The following GABRB2 variants were observed in gnomAD, a reference collection of about 807,000 sequenced individuals.
GABRB2 encodes the protein gamma-aminobutyric acid receptor subunit beta-2.
In GABRB2, 16 loss-of-function variants were observed where a neutral mutation model predicts 54.7. The ratio of observed to expected loss-of-function variants is 0.29; its 90% CI spans 0.20 to 0.44. The LOEUF (loss-of-function observed/expected upper bound fraction) is 0.44. Among genes scored for constraint, GABRB2 ranks in the 20% least tolerant of loss-of-function variants. The probability of loss-of-function intolerance (pLI) is 1.00; values close to 1 mark genes in which losing one functional copy is unlikely to be tolerated. For synonymous variants in GABRB2, 244 were observed against 233.8 expected, an observed-to-expected ratio of 1.04 and a Z score of -0.40; for missense variants, 355 against 644.0, an observed-to-expected ratio of 0.55 and a Z score of 4.86.
At chr5:161,310,681 A>G (rs200929935) in intron 9 of GABRB2, among the ~76,000 whole-genome samples, 2,413 of 81,754 alleles carry the variant, frequency 0.03, 60 homozygotes, top group East Asian at 0.14. Context: ...ACGCGCGCAC[A>G]CACACACACA....
intron 5 of GABRB2, among the ~76,000 whole-genome samples, chr5:161,369,156 A>G (rs1417270098): frequency 1.3e-5 from 2 of 152,292 alleles, no homozygotes; most frequent in East Asian, 3.9e-4. Context: ...AACTTGCTTT[A>G]GAAATTCTGA....
chr5:161,520,322 T>C (rs529923308), intron 3 of GABRB2, among the ~76,000 whole-genome samples: 3 of 152,134 alleles, frequency 2.0e-5, no homozygotes, highest in East Asian at 3.9e-4. Flanking sequence ...AGTTCTTCCA[T>C]CATAAAATAG....
intron 5 of GABRB2, among the ~76,000 whole-genome samples, chr5:161,406,739 G>A (rs957867599): frequency 6.6e-6 from 1 of 152,026 alleles, no homozygotes; most frequent in African/African-American, 2.4e-5. Flanking sequence ...TGAGAGGCCA[G>A]CAACAATTGG....
At chr5:161,330,726 G>T (rs1438771556) in intron 8 of GABRB2, 157 bp downstream of exon 8, 7 of 1,037,232 alleles carry the variant, frequency 6.7e-6, no homozygotes, top group Admixed American at 2.3e-5. Flanking sequence ...GTCCCTAATT[G>T]TGCTTCCATC....
intron 5 of GABRB2, among the ~76,000 whole-genome samples, chr5:161,397,601 C>G (rs189258034): frequency 6.6e-6 from 1 of 152,178 alleles, no homozygotes; most frequent in Admixed American, 6.5e-5. Flanking sequence ...AAGTGAGGAG[C>G]AGTAATTTAA....
intron 9 of GABRB2, among the ~76,000 whole-genome samples, chr5:161,309,821 C>G (rs549399554): frequency 2.5e-4 from 38 of 152,004 alleles, no homozygotes; most frequent in Non-Finnish European, 4.3e-4. Flanking sequence ...TTAGTAGAGA[C>G]GGGGTTTCAC....
intron 3 of GABRB2, among the ~76,000 whole-genome samples, chr5:161,485,389 A>G (rs1258461684): frequency 1.3e-5 from 2 of 151,982 alleles, no homozygotes; most frequent in Non-Finnish European, 2.9e-5. Flanking sequence ...ACAAGCAGTT[A>G]ATAAGGTTGG....
At chr5:161,495,826 C>A (rs528138408) in intron 3 of GABRB2, among the ~76,000 whole-genome samples, 19 of 152,170 alleles carry the variant, frequency 1.2e-4, no homozygotes, top group African/African-American at 4.3e-4. Context: ...AGTTCCCTAT[C>A]CTTATATCTT....
intron 3 of GABRB2, among the ~76,000 whole-genome samples, chr5:161,523,706 C>T (rs550699642): frequency 6.6e-6 from 1 of 151,642 alleles, no homozygotes; most frequent in South Asian, 2.1e-4. Context: ...TGTCAAGTTG[C>T]ATCTGGTGAC....
chr5:161,303,308 G>A (rs1757590194), intron 9 of GABRB2, among the ~76,000 whole-genome samples: 4 of 152,210 alleles, frequency 2.6e-5, no homozygotes, highest in Admixed American at 2.6e-4. Context: ...TCTAAGATAT[G>A]ATGCTATCTA....
intron 4 of GABRB2, among the ~76,000 whole-genome samples, chr5:161,416,644 C>CCGAGAT (rs1561642723): frequency 7.3e-6 from 1 of 137,674 alleles, no homozygotes; most frequent in Non-Finnish European, 1.5e-5. Context: ...TTGCGGTGAG[C>CCGAGAT]CGAGATCGCG....
intron 3 of GABRB2, among the ~76,000 whole-genome samples, chr5:161,463,564 T>TAGATAG (rs1561659524): frequency 1.1e-5 from 1 of 87,508 alleles, no homozygotes; most frequent in Non-Finnish European, 2.7e-5. Context: ...TTTATATATA[T>TAGATAG]ATATATATAT....
At chr5:161,455,822 C>A (rs1757939173) in intron 4 of GABRB2, among the ~76,000 whole-genome samples, 2 of 152,016 alleles carry the variant, frequency 1.3e-5, no homozygotes, top group Non-Finnish European at 2.9e-5. Flanking sequence ...CATGCCCAGA[C>A]CCAAATTTTA....
At chr5:161,504,370 A>G (rs1056633839) in intron 3 of GABRB2, among the ~76,000 whole-genome samples, 2 of 152,308 alleles carry the variant, frequency 1.3e-5, no homozygotes, top group Admixed American at 1.3e-4. Context: ...ACAACAACAG[A>G]ATCACATTAG....
chr5:161,476,057 A>C (rs1709188328), intron 3 of GABRB2, among the ~76,000 whole-genome samples: 1 of 151,982 alleles, frequency 6.6e-6, no homozygotes, highest in South Asian at 2.1e-4. Context: ...TATTCCACAA[A>C]AAACTGTTAG....
intron 5 of GABRB2, among the ~76,000 whole-genome samples, chr5:161,342,620 AC>A (rs1041804627): frequency 3.3e-5 from 5 of 152,182 alleles, no homozygotes; most frequent in African/African-American, 1.2e-4. Flanking sequence ...ATATAAAAAT[AC>A]CCTCCCTGGT....
At chr5:161,490,065 T>C (rs1759054573) in intron 3 of GABRB2, among the ~76,000 whole-genome samples, 1 of 151,712 alleles carries the variant, frequency 6.6e-6, no homozygotes, top group Non-Finnish European at 1.5e-5. Context: ...AAATCTGCCC[T>C]ACATATAAAT....
intron 3 of GABRB2, among the ~76,000 whole-genome samples, chr5:161,502,153 G>A (rs1759464330): frequency 6.6e-6 from 1 of 151,064 alleles, no homozygotes; most frequent in African/African-American, 2.4e-5. Context: ...AAACCTAAAT[G>A]TACCTTCATT....
At chr5:161,513,319 C>T (rs1759836393) in intron 3 of GABRB2, among the ~76,000 whole-genome samples, 1 of 152,052 alleles carries the variant, frequency 6.6e-6, no homozygotes, top group Non-Finnish European at 1.5e-5. Context: ...ACCATGAAAA[C>T]ACATGCACTA....
Sources: gnomAD v4.1 joint callset for allele counts (sites outside exome capture counted in the v4.1 genomes callset) on GRCh38, gnomAD v4.1.1 for gene constraint, MANE v1.5 for transcripts, NCBI Gene and HGNC (gene_info 2026-07-23, HGNC 2026-07-21) for gene names.